The following RORB variants were observed in gnomAD, a reference collection of about 807,000 sequenced individuals.
The protein encoded by RORB is RAR related orphan receptor B, also known as nuclear receptor ROR-beta.
RORB carries 6 observed loss-of-function variants against 59.1 expected under a neutral mutation model. The ratio of observed to expected loss-of-function variants is 0.10; its 90% confidence interval spans 0.06 to 0.20. The LOEUF is 0.20. Ranked by LOEUF, RORB falls within the 10% of genes least tolerant of loss-of-function variation. RORB has a pLI of 1.00. For missense variants in RORB, 320 were observed against 560.5 expected, an observed-to-expected ratio of 0.57 and a Z score of 4.33; for synonymous variants, 215 against 204.5, an observed-to-expected ratio of 1.05 and a Z score of -0.44.
At chr9:74,635,888 C>A (rs1345753828) in intron 3 of RORB, among the ~76,000 whole-genome samples, 1 of 149,734 alleles carries the variant, frequency 6.7e-6, no homozygotes, top group Non-Finnish European at 1.5e-5. Context: ...GATTCTTTAC[C>A]TTTTCTCTAA....
chr9:74,630,499 T>G, intron 2 of RORB, 132 bp downstream of exon 2: 1 of 543,426 alleles, frequency 1.8e-6, no homozygotes, highest in Non-Finnish European at 3.2e-6. Flanking sequence ...TCAGGAATTC[T>G]TGCGTGGTGG....
chr9:74,671,726 G>C lies in RORB; in HGVS notation c.1112-63G>C, dbSNP rs143928865. 2.1e-5 allele frequency: 20 copies of C among 937,068 alleles called. No homozygotes were observed. The African/African-American group carries it at 3.3e-4, about 15-fold the overall frequency. The allele number at this position is 937,068 out of a possible 1,614,324, so 58.0% of individuals were successfully genotyped here. ...AATGGGTCTGAAGCTTGGCACTTAT[G>C]TATGTGGGTGAAGCAAAACAAAGTT... On this transcript the variant is annotated intron_variant, in intron 8 of 9. Transcript: ENST00000376896.
At chr9:74,659,227 C>T (rs1028641478) in intron 4 of RORB, among the ~76,000 whole-genome samples, 2 of 152,150 alleles carry the variant, frequency 1.3e-5, no homozygotes, top group Non-Finnish European at 2.9e-5. Context: ...TTGTTCTCTA[C>T]ATCACTAAAA....
In RORB at chr9:74,595,432, A is replaced by G. The variant is rs567138046; in HGVS notation, c.8-34850A>G. Among the ~76,000 whole-genome samples, 6 of 152,338 alleles carry G rather than the reference A, an allele frequency of 3.9e-5. 1 individual carries two copies. Among genetic ancestry groups the G allele is most frequent in the Admixed American group, 3.9e-4 (6 of 15,308 alleles). ...AACAGTATAAAACAAGATTGACATT[A>G]TGTAATTACTTGCCTTTTACACTGT... On this transcript the variant is annotated intron_variant, in intron 1 of 9. Transcript: ENST00000376896.
chr9:74,623,702 C>T (rs1823461802), intron 1 of RORB, among the ~76,000 whole-genome samples: 1 of 152,098 alleles, frequency 6.6e-6, no homozygotes, highest in Non-Finnish European at 1.5e-5. Context: ...TGGTAGTCTG[C>T]AGTTTTACCA....
At chr9:74,508,496 A>T (rs911284915) in intron 1 of RORB, among the ~76,000 whole-genome samples, 18 of 152,004 alleles carry the variant, frequency 1.2e-4, no homozygotes, top group Non-Finnish European at 7.4e-5. Flanking sequence ...TTGTGTATTG[A>T]TTAAGAGTAA....
chr9:74,636,065 T>TG (rs368188170), intron 3 of RORB, among the ~76,000 whole-genome samples: 3 of 151,938 alleles, frequency 2.0e-5, no homozygotes, highest in Non-Finnish European at 2.9e-5. Context: ...GATTTTTTTT[T>TG]GTTTTACTTG....
chr9:74,508,031 A>T (rs952070343), intron 1 of RORB, among the ~76,000 whole-genome samples: 1 of 152,008 alleles, frequency 6.6e-6, no homozygotes, highest in African/African-American at 2.4e-5. Flanking sequence ...CAACTTATTG[A>T]TCTGTTTGCT....
rs900332414 is a variant in RORB at position 74,690,709 on chromosome 9, A to G, written c.*5091A>G. 1.3e-5 allele frequency: 2 copies of G among 152,154 alleles called. No individual in the cohort carries two copies. Among genetic ancestry groups the G allele is most frequent in the Non-Finnish European group, 2.9e-5 (2 of 68,032 alleles). 9.4% of individuals were successfully genotyped at this position (152,154 alleles called of 1,614,324 possible). ...TGGAGATCTTCCCCTTCTAATACTC[A>G]ATTTTGTTTTGGTATTTGATTGTCA... On this transcript the variant is annotated 3_prime_UTR_variant, in exon 10 of 10. Transcript: ENST00000376896.
intron 1 of RORB, among the ~76,000 whole-genome samples, chr9:74,521,584 T>C (rs933549684): frequency 5.9e-5 from 9 of 151,976 alleles, no homozygotes; most frequent in Admixed American, 2.0e-4. Flanking sequence ...AGCACAGCTT[T>C]CAATAATATA....
chr9:74,603,421 T>G (rs1823099589), intron 1 of RORB, among the ~76,000 whole-genome samples: 1 of 152,148 alleles, frequency 6.6e-6, no homozygotes, highest in African/African-American at 2.4e-5. Context: ...AGAGGTTGAT[T>G]CTGTTGACTA....
chr9:74,497,920 C>G lies in RORB; in HGVS notation c.-57C>G, dbSNP rs922869354. 1.2e-6 allele frequency: 2 copies of G among 1,602,694 alleles called. No homozygotes were observed. The highest frequency in any genetic ancestry group is 1.7e-6 in the Non-Finnish European group (2 of 1,174,502). On this transcript the variant is annotated 5_prime_UTR_variant, in exon 1 of 10. Transcript: ENST00000376896. Reference sequence around the variant, plus strand: ...TGCTGAGCGGGATTTTTGGGCTCTCCGGGGTTCGGGCTGGGAGCAGCTTCA... The same window carrying G: ...TGCTGAGCGGGATTTTTGGGCTCTCGGGGGTTCGGGCTGGGAGCAGCTTCA...
intron 1 of RORB, among the ~76,000 whole-genome samples, chr9:74,610,010 C>T (rs1234023427): frequency 6.6e-6 from 1 of 152,204 alleles, no homozygotes; most frequent in Non-Finnish European, 1.5e-5. Context: ...TAGAACCTGC[C>T]TTTTGGCATT....
At chr9:74,584,642 C>T (rs1230700368) in intron 1 of RORB, among the ~76,000 whole-genome samples, 1 of 152,154 alleles carries the variant, frequency 6.6e-6, no homozygotes, top group Admixed American at 6.5e-5. Flanking sequence ...CATTTCAGCC[C>T]AGTATCACAG....
chr9:74,570,947 ATTG>A (rs1261490789), intron 1 of RORB, among the ~76,000 whole-genome samples: 27 of 151,408 alleles, frequency 1.8e-4, no homozygotes, highest in Admixed American at 9.9e-4. Flanking sequence ...GAATCACACT[ATTG>A]TTGTGAATTA....
chr9:74,498,242 CA>C (rs964227582), intron 1 of RORB: 9 of 576,424 alleles, frequency 1.6e-5, no homozygotes, highest in African/African-American at 1.5e-4. Context: ...TGGTTCTTAC[CA>C]GTCCTTGAGT....
intron 9 of RORB, among the ~76,000 whole-genome samples, chr9:74,684,480 C>CTTTTTTTTTTTTTTTTTTTTT (rs1563974383): frequency 6.6e-6 from 1 of 152,100 alleles, no homozygotes; most frequent in African/African-American, 2.4e-5. Context: ...ATCACAGTGA[C>CTTTTTTTTTTTTTTTTTTTTT]TTTTGTTTAA....
intron 1 of RORB, among the ~76,000 whole-genome samples, chr9:74,531,354 A>G (rs1826235424): frequency 6.6e-6 from 1 of 152,010 alleles, no homozygotes; most frequent in South Asian, 2.1e-4. Context: ...GACTAGGTCC[A>G]TGTGCACAGC....
intron 1 of RORB, among the ~76,000 whole-genome samples, chr9:74,586,233 C>T (rs888892612): frequency 6.6e-6 from 1 of 152,126 alleles, no homozygotes; most frequent in Non-Finnish European, 1.5e-5. Flanking sequence ...TGCAGTCGCT[C>T]ATGCCTGTAA....
Sources: gnomAD v4.1 joint callset for allele counts (sites outside exome capture counted in the v4.1 genomes callset) on GRCh38, gnomAD v4.1.1 for gene constraint, MANE v1.5 for transcripts, NCBI Gene and HGNC (gene_info 2026-07-23, HGNC 2026-07-21) for gene names.